Variants in TULP4 observed in about 807,000 individuals in gnomAD.
TULP4 encodes the protein tubby-related protein 4.
In TULP4, 16 loss-of-function variants were observed where a neutral mutation model predicts 129.0. The observed-to-expected ratio is 0.12, with a 90% CI of 0.08 to 0.19. The LOEUF (loss-of-function observed/expected upper bound fraction) is 0.19, where lower values mean the gene tolerates loss of function less well. Ranked by LOEUF, TULP4 falls within the 10% of genes least tolerant of loss-of-function variation. TULP4 has a pLI of 1.00. For synonymous variants in TULP4, 998 were observed against 854.0 expected (o/e 1.17, Z -2.94); for missense variants, 1,842 against 2,059.1 (o/e 0.89, Z 2.04).
At chr6:158,238,022 G>A in intron 1 of TULP4, 7 of 707,992 alleles carry the variant, frequency 9.9e-6, no homozygotes, top group East Asian at 5.5e-5. Flanking sequence ...TTGAGCTGAT[G>A]GTTTTGATAC....
intron 1 of TULP4, among the ~76,000 whole-genome samples, chr6:158,380,070 G>C (rs1583816725): frequency 6.9e-6 from 1 of 145,604 alleles, no homozygotes; most frequent in East Asian, 1.9e-4. Flanking sequence ...TTTAAGGTCT[G>C]AAGGGAAAGG....
At chr6:158,421,099 C>A (rs545085965) in intron 2 of TULP4, among the ~76,000 whole-genome samples, 2 of 152,098 alleles carry the variant, frequency 1.3e-5, no homozygotes, top group African/African-American at 4.8e-5. Flanking sequence ...CGGTGGCTCA[C>A]GCCTGTAATC....
At chr6:158,468,023 A>G (rs631222) in intron 6 of TULP4, among the ~76,000 whole-genome samples, 63,568 of 152,124 alleles carry the variant, frequency 0.42, 14,586 homozygotes, top group African/African-American at 0.62. Flanking sequence ...CGGATGAATA[A>G]AAGTACACTG....
intron 3 of TULP4, among the ~76,000 whole-genome samples, chr6:158,438,277 T>A (rs931163441): frequency 6.6e-6 from 1 of 152,248 alleles, no homozygotes; most frequent in African/African-American, 2.4e-5. Flanking sequence ...ATTTCACCAG[T>A]ACATACTTTA....
At chr6:158,479,078 G>T (rs1021747678) in intron 6 of TULP4, among the ~76,000 whole-genome samples, 4 of 152,132 alleles carry the variant, frequency 2.6e-5, no homozygotes, top group Non-Finnish European at 5.9e-5. Context: ...AAAGGGGGAG[G>T]CTTCTAGGGG....
chr6:158,304,447 CTG>C (rs1779181941), intron 1 of TULP4, among the ~76,000 whole-genome samples: 1 of 152,078 alleles, frequency 6.6e-6, no homozygotes, highest in Non-Finnish European at 1.5e-5. Flanking sequence ...CTAATAATAT[CTG>C]TGGAGGTCAG....
In TULP4 at chr6:158,413,237, G is replaced by C. The variant is rs1352986797; in HGVS notation, c.381+44G>C. 1.3e-6 allele frequency: 2 copies of C among 1,577,234 alleles called. No homozygotes were observed. Among genetic ancestry groups the C allele is most frequent in the Non-Finnish European group, 1.7e-6 (2 of 1,156,240 alleles). On this transcript the variant is annotated intron_variant, in intron 2 of 13. Transcript: ENST00000367097. The surrounding 1 kb of genome is among the most constrained non-coding windows in gnomAD (Gnocchi z 4.9). ...TCTGCCAGTGAAGGGCTGCGGGGTA[G>C]AGGACTCCCAGACAGGCATTCCGGA...
intron 6 of TULP4, among the ~76,000 whole-genome samples, chr6:158,471,879 TCA>T (rs1779690658): frequency 1.3e-5 from 2 of 152,214 alleles, no homozygotes; most frequent in African/African-American, 2.4e-5. Context: ...GTAGGCTGTG[TCA>T]CATTTATAAT....
chr6:158,349,704 C>T (rs550660395), intron 1 of TULP4, among the ~76,000 whole-genome samples: 1 of 146,288 alleles, frequency 6.8e-6, no homozygotes, highest in African/African-American at 2.5e-5. Flanking sequence ...CTCCTCACTT[C>T]CCAGACGATG....
At chr6:158,456,391 T>C (rs1779292208) in intron 5 of TULP4, among the ~76,000 whole-genome samples, 1 of 152,200 alleles carries the variant, frequency 6.6e-6, no homozygotes. Flanking sequence ...CTGAAAACAT[T>C]ATGAGATTTT....
At chr6:158,337,261 G>A (rs1780066375) in intron 1 of TULP4, among the ~76,000 whole-genome samples, 2 of 149,408 alleles carry the variant, frequency 1.3e-5, no homozygotes, top group Non-Finnish European at 3.0e-5. Context: ...CAGCTTAGTA[G>A]CTGGGCTACA....
chr6:158,242,420 G>A (rs1402456325), intron 1 of TULP4: 18 of 1,241,236 alleles, frequency 1.5e-5, no homozygotes, highest in Non-Finnish European at 1.9e-5. Context: ...AGTTTCGGAC[G>A]AGATCTCTTT....
intron 5 of TULP4, among the ~76,000 whole-genome samples, chr6:158,453,341 G>A (rs1397886258): frequency 2.6e-5 from 4 of 151,576 alleles, no homozygotes; most frequent in Non-Finnish European, 4.4e-5. Flanking sequence ...AAAATTAGCC[G>A]GGCGTGGTGG....
chr6:158,280,654 T>G (rs1439029147), upstream of TULP4, among the ~76,000 whole-genome samples: 1 of 152,116 alleles, frequency 6.6e-6, no homozygotes, highest in South Asian at 2.1e-4. Flanking sequence ...CCTTATGGAG[T>G]GGTGATAGTT....
intron 11 of TULP4, 75 bp downstream of exon 11, chr6:158,494,921 T>G: frequency 2.4e-6 from 3 of 1,260,802 alleles, no homozygotes; most frequent in South Asian, 2.6e-5. Context: ...CTTTAGTGGC[T>G]TAAACTAGGA....
At chr6:158,331,754 C>CACGTATATATATATATAT (rs1779894129) in intron 1 of TULP4, among the ~76,000 whole-genome samples, 1 of 15,286 alleles carries the variant, frequency 6.5e-5, no homozygotes, top group African/African-American at 2.2e-4. Context: ...CGTGTATATA[C>CACGTATATATATATATAT]ACGTGTATAT....
intron 8 of TULP4, among the ~76,000 whole-genome samples, chr6:158,482,659 G>A (rs999066535): frequency 2.0e-5 from 3 of 152,214 alleles, no homozygotes; most frequent in Non-Finnish European, 2.9e-5. Context: ...GGTGGGGGCC[G>A]TGGGACAGGC....
Position 158,493,611 on chromosome 6 carries a change from G to A in TULP4, c.1670G>A (p.Arg557Gln), listed in dbSNP as rs748375243. Residue 557 changes from arginine to glutamine, a missense_variant, in exon 10 of 14, where the codon CGG becomes CAG. Physicochemically the swap from Arg to Gln is conservative, Grantham distance 43 (BLOSUM62 1). Coordinates refer to ENST00000367097, the MANE Select transcript of TULP4 (RefSeq NM_020245.5). This position sits in a 1 kb window ranked among gnomAD's most constrained non-coding sequence, Gnocchi z 4.4. Reference sequence around the variant, plus strand: ...GCCCGCAAGTCACCCAAGCTGCCCCGGGCTGCTCAGGAGCTCTCCCGGTCC... The same window carrying A: ...GCCCGCAAGTCACCCAAGCTGCCCCAGGCTGCTCAGGAGCTCTCCCGGTCC... ...IEARKSPKLPRAAQELSRSPR... is the reference protein window; with the variant it reads ...IEARKSPKLPQAAQELSRSPR... 18 of 1,582,774 alleles carry A rather than the reference G, an allele frequency of 1.1e-5. No homozygotes were observed. The highest frequency in any genetic ancestry group is 4.1e-5 in the African/African-American group (3 of 72,968).
intron 12 of TULP4, among the ~76,000 whole-genome samples, chr6:158,500,902 TA>T (rs1431333468): frequency 6.6e-6 from 1 of 152,060 alleles, no homozygotes; most frequent in Non-Finnish European, 1.5e-5. Context: ...CCATATCTAC[TA>T]AAAATACATA....
Sources: gnomAD v4.1 joint callset for allele counts (sites outside exome capture counted in the v4.1 genomes callset) on GRCh38, gnomAD v4.1.1 for gene constraint, Gnocchi (gnomAD v3.1) non-coding constraint, MANE v1.5 for transcripts, NCBI Gene and HGNC (gene_info 2026-07-23, HGNC 2026-07-21) for gene names.